Variants in TPH1 observed in about 807,000 individuals in gnomAD.
TPH1 encodes tryptophan 5-hydroxylase 1.
In TPH1, 37 loss-of-function variants were observed where a neutral mutation model predicts 49.5. The ratio of observed to expected loss-of-function variants is 0.75; its 90% confidence interval spans 0.58 to 0.98. The LOEUF is 0.98. Among genes scored for constraint, TPH1 ranks in the 50% least tolerant of loss-of-function variants. The pLI is 0.00. For missense variants in TPH1, 487 were observed against 523.6 expected, an observed-to-expected ratio of 0.93 and a Z score of 0.68; for synonymous variants, 160 against 182.1, an observed-to-expected ratio of 0.88 and a Z score of 0.98.
At position 18,019,309 on chromosome 11, in the gene TPH1, G is replaced by A. The variant is rs1236667845; in HGVS notation, c.*1682C>T. 1 of 162,964 alleles carries A rather than the reference G, an allele frequency of 6.1e-6. No homozygotes were observed. Among genetic ancestry groups the A allele is most frequent in the African/African-American group, 2.4e-5 (1 of 41,532 alleles). 10.1% of individuals were successfully genotyped at this position (162,964 alleles called of 1,614,324 possible). ...TGAAGAAAAAGCCTATTTTTAAGTA[G>A]CTGACTAAACCTAAAAATGATTGAA... On this transcript the variant is annotated 3_prime_UTR_variant, in exon 11 of 11. Transcript: ENST00000682019.
intron 4 of TPH1, among the ~76,000 whole-genome samples, chr11:18,030,757 G>A (rs1847980139): frequency 6.6e-6 from 1 of 152,076 alleles, no homozygotes; most frequent in Non-Finnish European, 1.5e-5. Flanking sequence ...AAAGAAGAGT[G>A]GAAATAGCAC....
At chr11:18,035,894 A>C in intron 3 of TPH1, 65 bp downstream of exon 3, 1 of 1,342,862 alleles carries the variant, frequency 7.4e-7, no homozygotes. Flanking sequence ...TTCAAGATAA[A>C]TATAAGGCTG....
rs760216570 is a variant in TPH1 at position 18,024,020 on chromosome 11, C to T, written c.931-37G>A. The T allele has an allele frequency of 2.3e-5, 34 of 1,464,852 alleles. 1 individual carries two copies. The highest frequency in any genetic ancestry group is 1.7e-4 in the Middle Eastern group (1 of 5,820). The allele number at this position is 1,464,852 out of a possible 1,614,324, so 90.7% of individuals were successfully genotyped here. The stretch of plus-strand genomic sequence containing the variant: ...CATCAATATTATTCTCACACACTGA[C>T]GAATTCAACTTAAAACAAATTACAA... On this transcript the variant is annotated intron_variant, in intron 8 of 10. Transcript: ENST00000682019.
chr11:18,025,737 C>T (rs780853301), intron 7 of TPH1, 36 bp from the exon 8 acceptor site: 1 of 1,612,682 alleles, frequency 6.2e-7, no homozygotes, highest in Admixed American at 1.7e-5. Flanking sequence ...CGCTGCAGTG[C>T]TTAACATACG....
rs1319308024 is a variant in TPH1, at chr11:18,020,338, T to C, written c.*653A>G. 6.5e-6 allele frequency: 1 copy of C among 154,096 alleles called. No homozygotes were observed. Among genetic ancestry groups the C allele is most frequent in the African/African-American group, 2.4e-5 (1 of 41,436 alleles). The allele number at this position is 154,096 out of a possible 1,614,324, so 9.5% of individuals were successfully genotyped here. A position where few individuals can be genotyped will look rare whatever the true frequency, so the allele number is the denominator to read the frequency against. ...CGAATTTTTAGCCTAGTCTTAATGATTATGCCCCATTCAACCTTTCCAGGC... is the reference window on the plus strand; with the variant it reads ...CGAATTTTTAGCCTAGTCTTAATGACTATGCCCCATTCAACCTTTCCAGGC... On this transcript the variant is annotated 3_prime_UTR_variant, in exon 11 of 11. Transcript: ENST00000682019.
At position 18,019,944 on chromosome 11, in the gene TPH1, T is replaced by A. The variant is rs766322040; in HGVS notation, c.*1047A>T. On this transcript the variant is annotated 3_prime_UTR_variant, in exon 11 of 11. Transcript: ENST00000682019. ...TCTGACATTCTATTTCCTCCCCTTT[T>A]CTGCAGCCTCTACTCTCATTGCATA... 3.7e-5 allele frequency: 13 copies of A among 354,106 alleles called. No individual in the cohort carries two copies. The highest frequency in any genetic ancestry group is 7.2e-5 in the Non-Finnish European group (13 of 180,592). 21.9% of individuals were successfully genotyped at this position (354,106 alleles called of 1,614,324 possible). A position where few individuals can be genotyped will look rare whatever the true frequency, so the allele number is the denominator to read the frequency against.
chr11:18,042,090 C>A (rs1848103105), intron 1 of TPH1, among the ~76,000 whole-genome samples: 1 of 152,124 alleles, frequency 6.6e-6, no homozygotes, highest in South Asian at 2.1e-4. Context: ...ACCACCCCAC[C>A]CCTTTGATCA....
At chr11:18,024,108 T>G in intron 8 of TPH1, 125 bp from the exon 9 acceptor site, 2 of 738,174 alleles carry the variant, frequency 2.7e-6, no homozygotes, top group Non-Finnish European at 4.8e-6. Flanking sequence ...AGTTCACAAG[T>G]CTTTCTACAA....
intron 1 of TPH1, among the ~76,000 whole-genome samples, chr11:18,041,969 G>A (rs1848102091): frequency 6.6e-6 from 1 of 152,152 alleles, no homozygotes; most frequent in Non-Finnish European, 1.5e-5. Flanking sequence ...CATGGGGAAG[G>A]AGAAAATGGA....
intron 8 of TPH1, among the ~76,000 whole-genome samples, chr11:18,024,572 CT>C (rs1847908662): frequency 6.6e-6 from 1 of 152,046 alleles, no homozygotes; most frequent in Non-Finnish European, 1.5e-5. Flanking sequence ...GGATATTCTC[CT>C]TTTACTCTGC....
intron 1 of TPH1, chr11:18,041,065 C>T: frequency 3.5e-6 from 1 of 288,490 alleles, no homozygotes; most frequent in Non-Finnish European, 6.6e-6. Flanking sequence ...CTGCTGGCTT[C>T]TTGCAGTCTT....
chr11:18,031,633 G>A (rs1224466717), intron 4 of TPH1, among the ~76,000 whole-genome samples: 1 of 152,080 alleles, frequency 6.6e-6, no homozygotes, highest in South Asian at 2.1e-4. Flanking sequence ...GATGAATAAG[G>A]AACACATTTA....
At chr11:18,026,339 C>G in intron 7 of TPH1, 151 bp downstream of exon 7, 1 of 758,750 alleles carries the variant, frequency 1.3e-6, no homozygotes, top group South Asian at 1.8e-5. Context: ...GTATTTCATG[C>G]CAGGTACCAT....
intron 10 of TPH1, among the ~76,000 whole-genome samples, chr11:18,021,667 G>C (rs1459631025): frequency 6.6e-6 from 1 of 151,880 alleles, no homozygotes; most frequent in African/African-American, 2.4e-5. Context: ...CCCCAAAATA[G>C]ACTAGGAATG....
Position 18,029,339 on chromosome 11 carries a change from C to T in TPH1, c.493G>A (p.Glu165Lys). 6.2e-7 allele frequency: 1 copy of T among 1,614,016 alleles called. No homozygotes were observed. Among genetic ancestry groups the T allele is most frequent in the Non-Finnish European group, 8.5e-7 (1 of 1,179,954 alleles). Residue 165 changes from glutamate (E) to lysine (K), a missense_variant, in exon 6 of 11, where the codon GAA becomes AAA. Transcript: ENST00000682019. ...GTCTTAATCTCCTCTTCAGTGAATTCAACCTTTGGAATGGGGTCTCCACTA... is the reference window on the plus strand; with the variant it reads ...GTCTTAATCTCCTCTTCAGTGAATTTAACCTTTGGAATGGGGTCTCCACTA... ...YKHGDPIPKVEFTEEEIKTWG... is the reference protein window; with the variant it reads ...YKHGDPIPKVKFTEEEIKTWG...
At chr11:18,032,875 T>C (rs1025219945) in intron 4 of TPH1, among the ~76,000 whole-genome samples, 1 of 152,128 alleles carries the variant, frequency 6.6e-6, no homozygotes, top group Admixed American at 6.5e-5. Flanking sequence ...TAAAACAATG[T>C]CTCATTTAGT....
chr11:18,018,362 A>G lies in TPH1; in HGVS notation c.*2629T>C, dbSNP rs1590257244. 1 of 151,502 alleles carries G rather than the reference A, an allele frequency of 6.6e-6. No individual in the cohort carries two copies. Among genetic ancestry groups the G allele is most frequent in the African/African-American group, 2.4e-5 (1 of 41,204 alleles). The allele number at this position is 151,502 out of a possible 1,614,324, so 9.4% of individuals were successfully genotyped here. A position where few individuals can be genotyped will look rare whatever the true frequency, so the allele number is the denominator to read the frequency against. On this transcript the variant is annotated 3_prime_UTR_variant, in exon 11 of 11. Coordinates refer to ENST00000682019, the MANE Select transcript of TPH1 (RefSeq NM_004179.3). ...CCAGAGGTGAGAAGAACTGAAATCC[A>G]TCATTAAAAATTTCCAATGTTTGGC... is the stretch of plus-strand genomic sequence containing the variant.
intron 6 of TPH1, among the ~76,000 whole-genome samples, chr11:18,028,439 T>C (rs1847951391): frequency 6.6e-6 from 1 of 152,204 alleles, no homozygotes; most frequent in South Asian, 2.1e-4. Context: ...TAACAAGATA[T>C]TCTCTATTCT....
chr11:18,036,059 G>A lies in TPH1; in HGVS notation c.201C>T (p.Asp67=), dbSNP rs1177655357. 1 of 1,612,330 alleles carries A rather than the reference G, an allele frequency of 6.2e-7. No homozygotes were observed. The highest frequency in any genetic ancestry group is 1.1e-5 in the South Asian group (1 of 91,024). Residue 67 remains aspartate (D), a synonymous_variant, in exon 3 of 11, where the codon GAC becomes GAT. Transcript: ENST00000682019. The stretch of plus-strand genomic sequence containing the variant: ...TATCATTCAATTGTTCTCTGTTGAT[G>A]TCACAGTCAACAAAAATCTCAAATT... The part of the protein sequence containing the change: ...NSEFEIFVDC[D]INREQLNDIF...
Sources: gnomAD v4.1 joint callset for allele counts (sites outside exome capture counted in the v4.1 genomes callset) on GRCh38, gnomAD v4.1.1 for gene constraint, MANE v1.5 for transcripts, NCBI Gene and HGNC (gene_info 2026-07-23, HGNC 2026-07-21) for gene names.